SLC20A2: variants seen among roughly 807,000 people sequenced by gnomAD.
SLC20A2 encodes sodium-dependent phosphate transporter 2.
A neutral mutation model predicts 61.0 loss-of-function variants in SLC20A2; 30 were observed. That is an observed-to-expected ratio of 0.49 (90% CI 0.37 to 0.67). The LOEUF (loss-of-function observed/expected upper bound fraction) is 0.67. SLC20A2 is among the 30% of genes least tolerant of loss of function. The probability of loss-of-function intolerance (pLI) is 0.00; values close to 1 mark genes in which losing one functional copy is unlikely to be tolerated. For missense variants in SLC20A2, 626 were observed against 866.4 expected (o/e 0.72, Z 3.48); for synonymous variants, 351 against 353.3 (o/e 0.99, Z 0.07).
intron 6 of SLC20A2, 40 bp from the exon 7 acceptor site, chr8:42,439,693 GTTC>G (rs765615360): frequency 5.1e-6 from 7 of 1,380,254 alleles, no homozygotes; most frequent in East Asian, 2.3e-5. Context: ...CTGGAAGAGA[GTTC>G]TTATTATTGA....
At chr8:42,502,708 A>C (rs926926801), upstream of SLC20A2, 2 of 152,264 alleles carry the variant, frequency 1.3e-5, no homozygotes, top group Non-Finnish European at 2.9e-5. Context: ...ACTCCAACCC[A>C]GAGTCATGGG....
chr8:42,539,321 T>C (rs937892594), intron 1 of SLC20A2, among the ~76,000 whole-genome samples: 4 of 152,196 alleles, frequency 2.6e-5, no homozygotes, highest in Non-Finnish European at 5.9e-5. Context: ...CCTACGCTCA[T>C]CTCGGAATCA....
At chr8:42,534,319 T>C (rs530379685) in intron 1 of SLC20A2, among the ~76,000 whole-genome samples, 16 of 152,016 alleles carry the variant, frequency 1.1e-4, no homozygotes, top group Non-Finnish European at 2.2e-4. Flanking sequence ...GAGGTAACAC[T>C]GACATCGATA....
intron 1 of SLC20A2, among the ~76,000 whole-genome samples, chr8:42,481,458 C>T (rs796663795): frequency 1.6e-4 from 25 of 152,208 alleles, no homozygotes; most frequent in African/African-American, 5.5e-4. Flanking sequence ...CAACTCTGGG[C>T]GCTGAGGTTC....
At chr8:42,430,366 T>C (rs980155633) in intron 8 of SLC20A2, 117 bp from the exon 9 acceptor site, 5 of 920,738 alleles carry the variant, frequency 5.4e-6, no homozygotes, top group South Asian at 1.9e-5. Flanking sequence ...ATGATGTTTT[T>C]CTTTCTTTTT....
Position 42,437,404 on chromosome 8 carries a change from T to G in SLC20A2, c.1108A>C (p.Lys370Gln). 1 of 1,614,138 alleles carries G rather than the reference T, an allele frequency of 6.2e-7. No individual in the cohort carries two copies. Among genetic ancestry groups the G allele is most frequent in the South Asian group, 1.1e-5 (1 of 91,080 alleles). The change falls in exon 8 of 11, where the codon AAG becomes CAG. Residue 370 changes from lysine to glutamine, a missense_variant. By Grantham distance (53) the Lys-to-Gln change is moderately conservative. Around this residue, in one of 3 missense-constraint regions of SLC20A2, gnomAD observed 361 missense variants for 422.3 expected, o/e 0.85. Transcript: ENST00000520262. The surrounding 1 kb of genome is among the most constrained non-coding windows in gnomAD (Gnocchi z 6.4). The part of the protein sequence containing the change: ...KIHIDRGPEE[K>Q]PAQESNYRLL... ...CGGTAGTTGCTTTCCTGGGCTGGCT[T>G]CTCCTCGGGGCCCCTGTCGATGTGG...
intron 5 of SLC20A2, among the ~76,000 whole-genome samples, chr8:42,449,908 A>G (rs563931141): frequency 6.6e-6 from 1 of 152,294 alleles, no homozygotes; most frequent in Admixed American, 6.5e-5. Flanking sequence ...ATACTATTCT[A>G]TGCTTTTGTT....
chr8:42,515,170 C>T (rs1811256748), intron 1 of SLC20A2, among the ~76,000 whole-genome samples: 1 of 152,164 alleles, frequency 6.6e-6, no homozygotes, highest in African/African-American at 2.4e-5. Context: ...TCCAAGGTCA[C>T]ATGGAGATAA....
intron 1 of SLC20A2, among the ~76,000 whole-genome samples, chr8:42,493,399 G>A (rs747132331): frequency 6.6e-6 from 1 of 152,168 alleles, no homozygotes; most frequent in Non-Finnish European, 1.5e-5. Flanking sequence ...TAAGTGCCCT[G>A]GAAACACTGG....
At chr8:42,520,008 CTTT>C (rs557576151) in intron 1 of SLC20A2, among the ~76,000 whole-genome samples, 3 of 102,682 alleles carry the variant, frequency 2.9e-5, no homozygotes, top group Non-Finnish European at 1.8e-5. Context: ...TTATGCTAAT[CTTT>C]TTTTTTTTTT....
chr8:42,533,654 C>CTTTTTTTCTTTTTTTCTTTTT (rs1253260874), intron 1 of SLC20A2, among the ~76,000 whole-genome samples: 1 of 55,310 alleles, frequency 1.8e-5, no homozygotes, highest in Non-Finnish European at 3.3e-5. Flanking sequence ...ATCAACTGTT[C>CTTTTTTTCTTTTTTTCTTTTT]TTTTTTTTTT....
chr8:42,445,766 T>C (rs1271746876), intron 5 of SLC20A2, among the ~76,000 whole-genome samples: 1 of 150,154 alleles, frequency 6.7e-6, no homozygotes, highest in African/African-American at 2.4e-5. Context: ...AAGAAAGGAG[T>C]CAGCTGTCTT....
intron 1 of SLC20A2, among the ~76,000 whole-genome samples, chr8:42,493,800 A>C (rs907171049): frequency 6.6e-6 from 1 of 152,146 alleles, no homozygotes; most frequent in Non-Finnish European, 1.5e-5. Flanking sequence ...TCTCTCCAAA[A>C]GCCATGATCC....
intron 8 of SLC20A2, among the ~76,000 whole-genome samples, chr8:42,433,649 A>G (rs1804033073): frequency 6.6e-6 from 1 of 152,170 alleles, no homozygotes; most frequent in Non-Finnish European, 1.5e-5. Context: ...ACTTAGCCTA[A>G]TGTCCTCCAG....
rs747583602 is a variant in SLC20A2 at position 42,524,042 on chromosome 8, G to A, written c.-265+17779C>T. On this transcript the variant is annotated intron_variant, in intron 1 of 10. Coordinates refer to the SLC20A2 transcript ENST00000342228. ...ATAGGAGATTATTTCTTCCAACTAA[G>A]ACCCTCAGACAGCAGATTTTGATAA... 2.6e-5 allele frequency among the ~76,000 whole-genome samples: 4 copies of A among 152,260 alleles called. No individual in the cohort carries two copies. The South Asian group carries it at 6.2e-4, about 24-fold the overall frequency.
rs150335913 is a variant in SLC20A2 at position 42,495,166 on chromosome 8, T to C, written c.-265+5865A>G. Among the ~76,000 whole-genome samples, 294 of 152,324 alleles carry C rather than the reference T, an allele frequency of 1.9e-3. 2 individuals are homozygous for C. The highest frequency in any genetic ancestry group is 3.4e-3 in the Middle Eastern group (1 of 294). The stretch of plus-strand genomic sequence containing the variant: ...CACTGCGCCCGGCCACGTCTCTTAT[T>C]TTTAATGACACATTTGTGAACTAGC... On this transcript the variant is annotated intron_variant, in intron 1 of 10. Transcript: ENST00000520262.
chr8:42,500,139 G>C (rs1224211230), intron 1 of SLC20A2, among the ~76,000 whole-genome samples: 2 of 152,106 alleles, frequency 1.3e-5, no homozygotes, highest in Non-Finnish European at 2.9e-5. Flanking sequence ...CTATCCTATC[G>C]CCTAGGAGAA....
Position 42,423,797 on chromosome 8 carries a change from G to A in SLC20A2, c.1794+4961C>T, listed in dbSNP as rs553952000. 1.1e-4 allele frequency among the ~76,000 whole-genome samples: 16 copies of A among 152,206 alleles called. No homozygotes were observed. The East Asian group carries it at 1.2e-3, about 11-fold the overall frequency. Reference sequence around the variant, plus strand: ...GTCTTTGCTACTGATCATGTCTTCCGTGAATGTAAAATGTTATTTTTTTGC... The same window carrying A: ...GTCTTTGCTACTGATCATGTCTTCCATGAATGTAAAATGTTATTTTTTTGC... On this transcript the variant is annotated intron_variant, in intron 10 of 10. Transcript: ENST00000520262.
At chr8:42,538,462 T>C (rs1348197639) in intron 1 of SLC20A2, among the ~76,000 whole-genome samples, 3 of 152,094 alleles carry the variant, frequency 2.0e-5, no homozygotes, top group Non-Finnish European at 4.4e-5. Flanking sequence ...CAAAGAATCA[T>C]TGTGGGCTGC....
Sources: allele counts gnomAD v4.1 joint callset (sites outside exome capture counted in the v4.1 genomes callset), GRCh38; gene constraint gnomAD v4.1.1; regional missense constraint gnomAD v4.1.1; non-coding constraint Gnocchi (gnomAD v3.1); transcripts MANE v1.5; gene names NCBI Gene and HGNC (gene_info 2026-07-23, HGNC 2026-07-21).